The following ACOT4 variants were observed in gnomAD, a reference collection of about 807,000 sequenced individuals.
The protein encoded by ACOT4 is acyl-CoA thioesterase 4.
In ACOT4, 18 loss-of-function variants were observed where a neutral mutation model predicts 17.1. The ratio of observed to expected loss-of-function variants is 1.05; its 90% CI spans 0.73 to 1.56. The LOEUF (loss-of-function observed/expected upper bound fraction) is 1.56, where lower values mean the gene tolerates loss of function less well. Ranked by LOEUF, ACOT4 falls within the 40% of genes most tolerant of loss-of-function variation. ACOT4 has a pLI of 0.00. For missense variants in ACOT4, 574 were observed against 557.2 expected (o/e 1.03, Z -0.30); for synonymous variants, 234 against 236.6 (o/e 0.99, Z 0.10).
intron 1 of ACOT4, among the ~76,000 whole-genome samples, chr14:73,593,104 G>A (rs1488079829): frequency 1.3e-5 from 2 of 152,138 alleles, no homozygotes; most frequent in African/African-American, 2.4e-5. Flanking sequence ...TTACCATGTC[G>A]TCTTCTCTAG....
Position 73,593,788 on chromosome 14 carries a change from G to C in ACOT4, c.544G>C (p.Gly182Arg). The change falls in exon 2 of 3, where the codon GGC becomes CGC. Residue 182 changes from glycine to arginine, a missense_variant. By Grantham distance (125) the Gly-to-Arg change is moderately radical. Coordinates refer to ENST00000326303, the MANE Select transcript of ACOT4 (RefSeq NM_152331.4). ...TCGAGCCAGCCTCCTTGCTGGCCATGGCTTTGCCACGTTGGCTCTAGCTTA... is the reference window on the plus strand; with the variant it reads ...TCGAGCCAGCCTCCTTGCTGGCCATCGCTTTGCCACGTTGGCTCTAGCTTA... ...EYRASLLAGH[G>R]FATLALAYYN... The C allele has an allele frequency of 6.2e-7, 1 of 1,613,972 alleles. No individual in the cohort carries two copies. The highest frequency in any genetic ancestry group is 8.5e-7 in the Non-Finnish European group (1 of 1,179,876).
Position 73,592,118 on chromosome 14 carries a change from C to A in ACOT4, c.159C>A (p.Cys53Ter). 6.5e-7 allele frequency: 1 copy of A among 1,547,860 alleles called. No homozygotes were observed. Among genetic ancestry groups the A allele is most frequent in the Non-Finnish European group, 8.7e-7 (1 of 1,149,676 alleles). Residue 53 changes from cysteine (C) to a stop codon, truncating the protein, a stop_gained, in exon 1 of 3, where the codon TGC (cysteine) becomes TGA (stop). Transcript: ENST00000326303. LOFTEE classifies it high-confidence loss of function. ...TCTTCCGGGCCCACGCGCGCTACTG[C>A]GCCGACGCCCGCGGCGAGCTGGACC... The part of the protein sequence containing the change: ...GALFRAHARY[C>*]ADARGELDLE...
intron 1 of ACOT4, among the ~76,000 whole-genome samples, chr14:73,593,366 T>G (rs1253127565): frequency 1.4e-5 from 2 of 140,452 alleles, no homozygotes; most frequent in Non-Finnish European, 3.1e-5. Flanking sequence ...TGAGACAGTG[T>G]CTGTCTCTGT....
chr14:73,593,549 T>C (rs1890191532), intron 1 of ACOT4, among the ~76,000 whole-genome samples, 153 bp from the exon 2 acceptor site: 1 of 151,584 alleles, frequency 6.6e-6, no homozygotes, highest in African/African-American at 2.4e-5. Context: ...CACTACATTG[T>C]CCAGGCTGGT....
In ACOT4 at chr14:73,595,062, G is replaced by GC. The variant is rs765135686; in HGVS notation, c.675dup (p.Ile226HisfsTer11). 17 of 1,613,614 alleles carry GC rather than the reference G, an allele frequency of 1.1e-5. No individual in the cohort carries two copies. The South Asian group carries it at 1.9e-4, about 18-fold the overall frequency. ...CTTTTCTTCCAGGTAAAAGGCCCAG[G>GC]CATTGGGCTTTTGGGCATTTCTCTA... On this transcript the variant is annotated frameshift_variant, in exon 3 of 3. Coordinates refer to ENST00000326303, the MANE Select transcript of ACOT4 (RefSeq NM_152331.4). LOFTEE classifies it low-confidence loss of function (END_TRUNC).
chr14:73,592,096 T>C lies in ACOT4; in HGVS notation c.137T>C (p.Phe46Ser). The change falls in exon 1 of 3, where the codon TTC becomes TCC. Residue 46 changes from phenylalanine to serine, a missense_variant. Physicochemically the swap from Phe to Ser is radical, Grantham distance 155 (BLOSUM62 -2). Coordinates refer to ENST00000326303, the MANE Select transcript of ACOT4 (RefSeq NM_152331.4). Reference protein sequence around the residue: ...ASLRDEKGALFRAHARYCADA... With the variant: ...ASLRDEKGALSRAHARYCADA... ...CTGCGCGACGAGAAGGGCGCGCTCT[T>C]CCGGGCCCACGCGCGCTACTGCGCC... 6.7e-7 allele frequency: 1 copy of C among 1,500,576 alleles called. No individual in the cohort carries two copies. 93.0% of individuals were successfully genotyped at this position (1,500,576 alleles called of 1,614,324 possible).
intron 1 of ACOT4, 118 bp from the exon 2 acceptor site, chr14:73,593,584 C>A: frequency 1.1e-6 from 1 of 893,408 alleles, no homozygotes; most frequent in Non-Finnish European, 1.7e-6. Flanking sequence ...CTCAAGCAAT[C>A]CTCCTGCCTT....
rs376379028 is a variant in ACOT4, at chr14:73,592,150, G to A, written c.191G>A (p.Arg64His). ...ADARGELDLE[R>H]APALGGSFAG... ...GCCCGCGGCGAGCTGGACCTGGAGC[G>A]CGCACCCGCGCTGGGCGGCAGCTTC... is the stretch of plus-strand genomic sequence containing the variant. Residue 64 changes from arginine to histidine, a missense_variant, in exon 1 of 3, where the codon CGC (arginine) becomes CAC (histidine). Arg to His is a conservative substitution (Grantham distance 29). Transcript: ENST00000326303. 98 of 1,593,854 alleles carry A rather than the reference G, an allele frequency of 6.1e-5. No individual in the cohort carries two copies. Among genetic ancestry groups the A allele is most frequent in the Non-Finnish European group, 8.3e-5 (97 of 1,171,534 alleles).
At chr14:73,593,048 T>C (rs1301830024) in intron 1 of ACOT4, among the ~76,000 whole-genome samples, 3 of 152,222 alleles carry the variant, frequency 2.0e-5, no homozygotes, top group Admixed American at 2.0e-4. Flanking sequence ...TCTACAGGCA[T>C]CAGCCTGACT....
rs779781837 is a variant in ACOT4, at chr14:73,595,409, C to T, written c.1021C>T (p.Arg341Trp). 8.7e-6 allele frequency: 14 copies of T among 1,614,070 alleles called. No homozygotes were observed. Among genetic ancestry groups the T allele is most frequent in the South Asian group, 3.3e-5 (3 of 91,080 alleles). Reference protein sequence around the residue: ...SELYAQTVSERLQAHGKEKPQ... With the variant: ...SELYAQTVSEWLQAHGKEKPQ... Reference sequence around the variant, plus strand: ...GTTGTATGCCCAAACAGTCTCTGAACGGTTACAGGCCCATGGAAAGGAAAA... The same window carrying T: ...GTTGTATGCCCAAACAGTCTCTGAATGGTTACAGGCCCATGGAAAGGAAAA... Residue 341 changes from arginine to tryptophan, a missense_variant, in exon 3 of 3, where the codon CGG becomes TGG. Physicochemically the swap from Arg to Trp is moderately radical, Grantham distance 101. Transcript: ENST00000326303.
At position 73,592,310 on chromosome 14, in the gene ACOT4, A is replaced by G; in HGVS notation, c.351A>G (p.Gly117=). ...TGGACGGCCACGACCCCGAGCCTGGACGGCTGCTGTGCCAGGCGCAGCACG... is the reference window on the plus strand; with the variant it reads ...TGGACGGCCACGACCCCGAGCCTGGGCGGCTGCTGTGCCAGGCGCAGCACG... ...EVLDGHDPEP[G]RLLCQAQHER... Residue 117 remains glycine, a synonymous_variant, in exon 1 of 3, where the codon GGA becomes GGG. Coordinates refer to ENST00000326303, the MANE Select transcript of ACOT4 (RefSeq NM_152331.4). 1 of 1,610,988 alleles carries G rather than the reference A, an allele frequency of 6.2e-7. No homozygotes were observed. Among genetic ancestry groups the G allele is most frequent in the Non-Finnish European group, 8.5e-7 (1 of 1,178,698 alleles).
Position 73,592,431 on chromosome 14 carries a change from T to G in ACOT4, c.457+15T>G. 1 of 1,492,378 alleles carries G rather than the reference T, an allele frequency of 6.7e-7. No individual in the cohort carries two copies. The highest frequency in any genetic ancestry group is 8.9e-7 in the Non-Finnish European group (1 of 1,129,108). 92.4% of individuals were successfully genotyped at this position (1,492,378 alleles called of 1,614,324 possible). Reference sequence around the variant, plus strand: ...CCTGCCGCCAGGTGAGCCAGGCTGCTGGCGGGTGGTGTGAGCGTCAGTGGC... The same window carrying G: ...CCTGCCGCCAGGTGAGCCAGGCTGCGGGCGGGTGGTGTGAGCGTCAGTGGC... On this transcript the variant is annotated intron_variant, in intron 1 of 2. Coordinates refer to ENST00000326303, the MANE Select transcript of ACOT4 (RefSeq NM_152331.4).
chr14:73,592,140 G>A lies in ACOT4; in HGVS notation c.181G>A (p.Asp61Asn). ...CTGCGCCGACGCCCGCGGCGAGCTGGACCTGGAGCGCGCACCCGCGCTGGG... is the reference window on the plus strand; with the variant it reads ...CTGCGCCGACGCCCGCGGCGAGCTGAACCTGGAGCGCGCACCCGCGCTGGG... ...RYCADARGEL[D>N]LERAPALGGS... Residue 61 changes from aspartate to asparagine, a missense_variant, in exon 1 of 3, where the codon GAC becomes AAC. Physicochemically the swap from Asp to Asn is conservative, Grantham distance 23. Coordinates refer to ENST00000326303, the MANE Select transcript of ACOT4 (RefSeq NM_152331.4). The A allele has an allele frequency of 6.3e-7, 1 of 1,589,782 alleles. No homozygotes were observed. Among genetic ancestry groups the A allele is most frequent in the Non-Finnish European group, 8.5e-7 (1 of 1,169,632 alleles).
At position 73,591,971 on chromosome 14, in the gene ACOT4, G is replaced by C; in HGVS notation, c.12G>C (p.Thr4=). 1 of 1,394,628 alleles carries C rather than the reference G, an allele frequency of 7.2e-7. No homozygotes were observed. The highest frequency in any genetic ancestry group is 9.3e-7 in the Non-Finnish European group (1 of 1,075,810). The allele number at this position is 1,394,628 out of a possible 1,614,324, so 86.4% of individuals were successfully genotyped here. A position where few individuals can be genotyped will look rare whatever the true frequency, so the allele number is the denominator to read the frequency against. Residue 4 remains threonine, a synonymous_variant, in exon 1 of 3, where the codon ACG becomes ACC. Coordinates refer to ENST00000326303, the MANE Select transcript of ACOT4 (RefSeq NM_152331.4). The stretch of plus-strand genomic sequence containing the variant: ...GCTCCGGCTCCAAGATGTCAGCAAC[G>C]CTGATCCTGGAGCCCCCAGGCCGCT... The part of the protein sequence containing the change: MSA[T]LILEPPGRCC...
rs1406695561 is a variant in ACOT4, at chr14:73,595,253, C to T, written c.865C>T (p.Leu289Phe). Residue 289 changes from leucine (L) to phenylalanine (F), a missense_variant, in exon 3 of 3, where the codon CTC becomes TTC. Coordinates refer to ENST00000326303, the MANE Select transcript of ACOT4 (RefSeq NM_152331.4). ...GAGAATCAAGGTAGCTTTCTCAGGC[C>T]TCGTGGACATTGTGGATATAAGGAA... is the stretch of plus-strand genomic sequence containing the variant. ...LRRIKVAFSG[L>F]VDIVDIRNAL... is the part of the protein sequence containing the mutation. 6.2e-7 allele frequency: 1 copy of T among 1,614,154 alleles called. No homozygotes were observed. The highest frequency in any genetic ancestry group is 1.7e-5 in the Admixed American group (1 of 60,008).
rs556205118 is a variant in ACOT4 at position 73,595,424 on chromosome 14, G to A, written c.1036G>A (p.Gly346Arg). The change falls in exon 3 of 3, where the codon GGA becomes AGA. Residue 346 changes from glycine (G) to arginine (R), a missense_variant. Coordinates refer to ENST00000326303, the MANE Select transcript of ACOT4 (RefSeq NM_152331.4). Reference protein sequence around the residue: ...QTVSERLQAHGKEKPQIICYP... With the variant: ...QTVSERLQAHRKEKPQIICYP... ...AGTCTCTGAACGGTTACAGGCCCAT[G>A]GAAAGGAAAAACCCCAGATCATCTG... The A allele has an allele frequency of 1.4e-5, 22 of 1,614,182 alleles. 1 individual carries two copies. In the South Asian group the frequency reaches 2.3e-4, roughly 17 times the overall value.
In ACOT4 at chr14:73,595,627, C is replaced by T; in HGVS notation, c.1239C>T (p.Thr413=). Residue 413 remains threonine (T), a synonymous_variant, in exon 3 of 3, where the codon ACC becomes ACT. Coordinates refer to ENST00000326303, the MANE Select transcript of ACOT4 (RefSeq NM_152331.4). The part of the protein sequence containing the change: ...LAFFCKHLGG[T]QKTAVPKL ...TCTTCTGCAAACACCTGGGAGGTAC[C>T]CAGAAAACAGCTGTCCCTAAATTGT... is the stretch of plus-strand genomic sequence containing the variant. 1 of 1,528,666 alleles carries T rather than the reference C, an allele frequency of 6.5e-7. No individual in the cohort carries two copies. Among genetic ancestry groups the T allele is most frequent in the Non-Finnish European group, 8.8e-7 (1 of 1,139,018 alleles). The allele number at this position is 1,528,666 out of a possible 1,614,324, so 94.7% of individuals were successfully genotyped here.
chr14:73,593,632 A>G (rs1186071174), intron 1 of ACOT4, 70 bp from the exon 2 acceptor site: 1 of 1,426,148 alleles, frequency 7.0e-7, no homozygotes, highest in Non-Finnish European at 9.5e-7. Context: ...CATGAACCAC[A>G]GTGTCCAGCC....
chr14:73,593,336 CTTTTT>C (rs60704237), intron 1 of ACOT4, among the ~76,000 whole-genome samples: 3 of 104,868 alleles, frequency 2.9e-5, no homozygotes, highest in African/African-American at 3.9e-5. Context: ...TTCTTTCTTT[CTTTTT>C]TTTTTTTTTT....
Sources: allele counts gnomAD v4.1 joint callset (sites outside exome capture counted in the v4.1 genomes callset), GRCh38; gene constraint gnomAD v4.1.1; transcripts MANE v1.5; gene names NCBI Gene and HGNC (gene_info 2026-07-23, HGNC 2026-07-21).